UBE2E2: variants seen among roughly 807,000 people sequenced by gnomAD.
The protein encoded by UBE2E2 is ubiquitin-conjugating enzyme E2 E2.
Under a neutral mutation model 24.7 loss-of-function variants are expected in UBE2E2, and 6 were observed. The observed-to-expected ratio is 0.24, with a 90% confidence interval of 0.13 to 0.48. The LOEUF (loss-of-function observed/expected upper bound fraction) is 0.48. Among genes scored for constraint, UBE2E2 ranks in the 20% least tolerant of loss-of-function variants. The pLI is 0.99. For missense variants in UBE2E2, 169 were observed against 245.0 expected (o/e 0.69, Z 2.07); for synonymous variants, 104 against 83.6 (o/e 1.24, Z -1.33).
At chr3:23,354,311 G>C (rs374224497) in intron 3 of UBE2E2, among the ~76,000 whole-genome samples, 13 of 152,174 alleles carry the variant, frequency 8.5e-5, no homozygotes, top group South Asian at 2.1e-4. Context: ...CATTACCATT[G>C]AGGACATAGG....
At chr3:23,323,807 A>T (rs1694811964) in intron 3 of UBE2E2, among the ~76,000 whole-genome samples, 1 of 151,964 alleles carries the variant, frequency 6.6e-6, no homozygotes, top group Admixed American at 6.6e-5. Context: ...GGATGCAGAA[A>T]TCTCTTATTC....
intron 5 of UBE2E2, among the ~76,000 whole-genome samples, chr3:23,555,938 T>C (rs1300274819): frequency 6.6e-6 from 1 of 152,072 alleles, no homozygotes; most frequent in African/African-American, 2.4e-5. Context: ...AGGTCTCGTG[T>C]GCAACATAAG....
chr3:23,591,733 C>T lies in UBE2E2; in HGVS notation c.*1902C>T, dbSNP rs1041444641. 1 of 152,136 alleles carries T rather than the reference C, an allele frequency of 6.6e-6. No homozygotes were observed. The highest frequency in any genetic ancestry group is 1.5e-5 in the Non-Finnish European group (1 of 68,024). 9.4% of individuals were successfully genotyped at this position (152,136 alleles called of 1,614,324 possible). On this transcript the variant is annotated 3_prime_UTR_variant, in exon 6 of 6. Transcript: ENST00000396703. ...CATAGACTGGGGGCTGGATGAAAAA[C>T]AAATAACGATGTGTCATTTCTTTCT...
intron 3 of UBE2E2, among the ~76,000 whole-genome samples, chr3:23,245,776 A>G (rs555263401): frequency 6.6e-6 from 1 of 152,322 alleles, no homozygotes; most frequent in South Asian, 2.1e-4. Context: ...TATGAGGTCT[A>G]CCAAATAATT....
chr3:23,366,930 T>C (rs1376854996), intron 3 of UBE2E2, among the ~76,000 whole-genome samples: 3 of 152,200 alleles, frequency 2.0e-5, no homozygotes, highest in Non-Finnish European at 4.4e-5. Flanking sequence ...AATTAGTGTT[T>C]ATTGGTATTT....
chr3:23,221,818 G>A (rs994976812), intron 3 of UBE2E2, among the ~76,000 whole-genome samples: 3 of 152,076 alleles, frequency 2.0e-5, no homozygotes, highest in African/African-American at 7.2e-5. Flanking sequence ...TGTATTTTTA[G>A]TAGAGACGGG....
intron 3 of UBE2E2, among the ~76,000 whole-genome samples, chr3:23,317,471 G>A (rs1694613481): frequency 6.6e-6 from 1 of 152,180 alleles, no homozygotes; most frequent in African/African-American, 2.4e-5. Context: ...ATGGGGAGGT[G>A]TATTAGTCTG....
At chr3:23,229,390 C>T (rs1416480918) in intron 3 of UBE2E2, among the ~76,000 whole-genome samples, 2 of 152,118 alleles carry the variant, frequency 1.3e-5, no homozygotes, top group African/African-American at 4.8e-5. Context: ...GTGCACCCAT[C>T]TCCTGAACAG....
At chr3:23,570,386 C>G (rs1486700920) in intron 5 of UBE2E2, among the ~76,000 whole-genome samples, 1 of 152,082 alleles carries the variant, frequency 6.6e-6, no homozygotes, top group Non-Finnish European at 1.5e-5. Context: ...AGACTCAACC[C>G]CCTTGCCCAG....
At chr3:23,259,564 C>G (rs1473515857) in intron 3 of UBE2E2, among the ~76,000 whole-genome samples, 3 of 117,452 alleles carry the variant, frequency 2.6e-5, no homozygotes, top group African/African-American at 5.9e-5. Flanking sequence ...CACATGTATC[C>G]TGGAACTTTA....
chr3:23,468,462 T>C (rs1698969427), intron 3 of UBE2E2, among the ~76,000 whole-genome samples: 1 of 152,194 alleles, frequency 6.6e-6, no homozygotes, highest in South Asian at 2.1e-4. Flanking sequence ...AAAGCAGTGG[T>C]CTTAAAATAA....
intron 5 of UBE2E2, among the ~76,000 whole-genome samples, chr3:23,574,411 C>T (rs943947182): frequency 2.0e-5 from 3 of 152,160 alleles, no homozygotes; most frequent in Admixed American, 2.0e-4. Context: ...AGGATACATG[C>T]TTGAGGGGAT....
intron 3 of UBE2E2, among the ~76,000 whole-genome samples, chr3:23,418,693 A>T (rs945237553): frequency 6.6e-6 from 1 of 152,124 alleles, no homozygotes; most frequent in Non-Finnish European, 1.5e-5. Flanking sequence ...TTTTCTGGAG[A>T]TGTTAAAAAT....
intron 3 of UBE2E2, among the ~76,000 whole-genome samples, chr3:23,357,997 G>T (rs1696010212): frequency 6.6e-6 from 1 of 152,008 alleles, no homozygotes; most frequent in Non-Finnish European, 1.5e-5. Flanking sequence ...CACCATGCCT[G>T]GCTAATTTTT....
rs1695602883 is a variant in UBE2E2, at chr3:23,347,639, A to C, written c.227+130327A>C. On this transcript the variant is annotated intron_variant, in intron 3 of 5. Coordinates refer to ENST00000396703, the MANE Select transcript of UBE2E2 (RefSeq NM_152653.4). ...GATGGGTGCGGCAAACCAACATGGC[A>C]CATGTATACCTATGTAACAAACCTG... Among the ~76,000 whole-genome samples the C allele has an allele frequency of 2.6e-5, 4 of 152,202 alleles. No homozygotes were observed. The South Asian group carries it at 8.3e-4, about 32-fold the overall frequency.
intron 3 of UBE2E2, among the ~76,000 whole-genome samples, chr3:23,251,694 T>C (rs555168679): frequency 1.3e-5 from 2 of 152,348 alleles, no homozygotes; most frequent in African/African-American, 2.4e-5. Context: ...ATAAAGCATG[T>C]ATGCAAACAG....
Position 23,350,139 on chromosome 3 carries a change from C to T in UBE2E2, c.227+132827C>T, listed in dbSNP as rs530428833. Among the ~76,000 whole-genome samples, 51 of 152,298 alleles carry T rather than the reference C, an allele frequency of 3.3e-4. No individual in the cohort carries two copies. The East Asian group carries it at 9.6e-3, about 29-fold the overall frequency. The stretch of plus-strand genomic sequence containing the variant: ...CCAGGCAAACAGGGTCTGGAGTGGA[C>T]CTCTAGCAAACTCCAACAGACCTGC... On this transcript the variant is annotated intron_variant, in intron 3 of 5. Coordinates refer to ENST00000396703, the MANE Select transcript of UBE2E2 (RefSeq NM_152653.4).
intron 3 of UBE2E2, among the ~76,000 whole-genome samples, chr3:23,483,133 C>G (rs139533757): frequency 8.7e-4 from 133 of 152,250 alleles, no homozygotes; most frequent in African/African-American, 2.9e-3. Flanking sequence ...TTCTGTATCT[C>G]CTGCTTTCAG....
intron 3 of UBE2E2, among the ~76,000 whole-genome samples, chr3:23,460,589 A>C (rs980557645): frequency 6.6e-6 from 1 of 152,224 alleles, no homozygotes; most frequent in African/African-American, 2.4e-5. Flanking sequence ...CCGATAATAT[A>C]AAGTGGAAAG....
Sources: allele counts gnomAD v4.1 joint callset (sites outside exome capture counted in the v4.1 genomes callset), GRCh38; gene constraint gnomAD v4.1.1; transcripts MANE v1.5; gene names NCBI Gene and HGNC (gene_info 2026-07-23, HGNC 2026-07-21).